CAMKMT: variants seen among roughly 807,000 people sequenced by gnomAD.
CAMKMT encodes CaM KMT.
In CAMKMT, 53 loss-of-function variants were observed where a neutral mutation model predicts 48.0. The ratio of observed to expected loss-of-function variants is 1.10; its 90% CI spans 0.89 to 1.39. The LOEUF (loss-of-function observed/expected upper bound fraction) is 1.39, where lower values mean the gene tolerates loss of function less well. CAMKMT is among the 40% of genes most tolerant of loss of function. CAMKMT has a pLI of 0.00. For missense variants in CAMKMT, 428 were observed against 402.7 expected, an observed-to-expected ratio of 1.06 and a Z score of -0.54; for synonymous variants, 165 against 152.3, an observed-to-expected ratio of 1.08 and a Z score of -0.61.
chr2:44,696,552 A>C (rs546704806), intron 3 of CAMKMT, among the ~76,000 whole-genome samples: 4 of 152,260 alleles, frequency 2.6e-5, no homozygotes, highest in Admixed American at 2.0e-4. Flanking sequence ...TTCTTTGGAG[A>C]GGGTTAAACT....
chr2:44,563,560 G>T (rs1277105301), intron 3 of CAMKMT, among the ~76,000 whole-genome samples: 3 of 146,366 alleles, frequency 2.0e-5, no homozygotes, highest in Non-Finnish European at 3.1e-5. Context: ...TGCCATGTTG[G>T]TTTGCTGCAC....
Position 44,390,223 on chromosome 2 carries a change from C to T in CAMKMT, c.312-18C>T, listed in dbSNP as rs201687926. On this transcript the variant is annotated intron_variant, in intron 2 of 10. Transcript: ENST00000378494. The stretch of plus-strand genomic sequence containing the variant: ...AACATTTCAGAATCATTAAAGCAAA[C>T]GCTTTACTCCTTTCTAGGCATAATA... The T allele has an allele frequency of 4.1e-5, 65 of 1,587,656 alleles. No homozygotes were observed. Among genetic ancestry groups the T allele is most frequent in the Middle Eastern group, 1.7e-4 (1 of 5,994 alleles).
chr2:44,392,362 A>C (rs905911763), intron 3 of CAMKMT, among the ~76,000 whole-genome samples: 1 of 152,062 alleles, frequency 6.6e-6, no homozygotes, highest in African/African-American at 2.4e-5. Flanking sequence ...ATCTATATAG[A>C]TGTTTCATTT....
intron 3 of CAMKMT, among the ~76,000 whole-genome samples, chr2:44,659,794 A>C (rs1349050667): frequency 6.6e-6 from 1 of 152,102 alleles, no homozygotes; most frequent in Non-Finnish European, 1.5e-5. Flanking sequence ...TACCTAAAAT[A>C]CTCATCTATA....
chr2:44,479,236 A>G (rs923900370), intron 3 of CAMKMT, among the ~76,000 whole-genome samples: 1 of 152,174 alleles, frequency 6.6e-6, no homozygotes, highest in Admixed American at 6.5e-5. Flanking sequence ...TTTATACTCA[A>G]TAAAAACTTT....
intron 4 of CAMKMT, chr2:44,705,581 G>A (rs1050624973): frequency 1.6e-4 from 155 of 970,350 alleles, no homozygotes; most frequent in Non-Finnish European, 1.8e-4. Context: ...TTAACTCTGA[G>A]CCGCTTTACT....
chr2:44,540,937 C>T (rs1430993943), intron 3 of CAMKMT, among the ~76,000 whole-genome samples: 1 of 152,198 alleles, frequency 6.6e-6, no homozygotes, highest in Non-Finnish European at 1.5e-5. Flanking sequence ...CCAAATGGCT[C>T]AGCAATTATC....
At chr2:44,413,825 T>G (rs1683374848) in intron 3 of CAMKMT, among the ~76,000 whole-genome samples, 3 of 152,202 alleles carry the variant, frequency 2.0e-5, no homozygotes, top group African/African-American at 7.2e-5. Context: ...GTTAGAAATT[T>G]GGAACTACCA....
chr2:44,690,237 A>T (rs1317587869), intron 3 of CAMKMT, among the ~76,000 whole-genome samples: 1 of 152,246 alleles, frequency 6.6e-6, no homozygotes, highest in Admixed American at 6.5e-5. Context: ...TATAGTTTTC[A>T]TTTGGAAGTG....
intron 3 of CAMKMT, among the ~76,000 whole-genome samples, chr2:44,703,982 A>G (rs915671302): frequency 1.3e-5 from 2 of 152,136 alleles, no homozygotes; most frequent in African/African-American, 4.8e-5. Context: ...ATCTATGTGA[A>G]GTACCATCAA....
intron 3 of CAMKMT, among the ~76,000 whole-genome samples, chr2:44,595,881 A>G (rs1330083072): frequency 1.3e-5 from 2 of 152,052 alleles, no homozygotes; most frequent in East Asian, 1.9e-4. Context: ...AACTAACACA[A>G]GAAGAGAAAA....
chr2:44,756,635 G>A (rs953808152), intron 9 of CAMKMT, among the ~76,000 whole-genome samples: 4 of 151,880 alleles, frequency 2.6e-5, no homozygotes, highest in African/African-American at 7.3e-5. Context: ...CCAGCTACTC[G>A]GGAGGCTGAG....
At chr2:44,517,366 A>G (rs1031825049) in intron 3 of CAMKMT, among the ~76,000 whole-genome samples, 1 of 152,240 alleles carries the variant, frequency 6.6e-6, no homozygotes, top group African/African-American at 2.4e-5. Context: ...GCAATATGTT[A>G]GGTAAAATAC....
chr2:44,364,011 C>CT (rs10710503), intron 1 of CAMKMT, among the ~76,000 whole-genome samples: 9,606 of 85,688 alleles, frequency 0.11, 539 homozygotes, highest in Non-Finnish European at 0.13. Flanking sequence ...CCCACCCTTC[C>CT]TTTTTTTTTT....
chr2:44,522,651 C>T (rs1192783747), intron 3 of CAMKMT, among the ~76,000 whole-genome samples: 3 of 152,092 alleles, frequency 2.0e-5, no homozygotes, highest in African/African-American at 7.2e-5. Flanking sequence ...CTTGATAGGA[C>T]CTGGGATTTT....
chr2:44,768,365 T>A (rs893663585), intron 10 of CAMKMT, among the ~76,000 whole-genome samples: 1,988 of 106,222 alleles, frequency 0.019, 19 homozygotes, highest in African/African-American at 0.04. Flanking sequence ...ATATATATTT[T>A]TTTTTTTTTT....
chr2:44,577,514 G>A (rs1669289350), intron 3 of CAMKMT, among the ~76,000 whole-genome samples: 5 of 152,166 alleles, frequency 3.3e-5, no homozygotes, highest in Admixed American at 3.3e-4. Context: ...AGCTACCTGG[G>A]AGGCTGAGAT....
intron 3 of CAMKMT, among the ~76,000 whole-genome samples, chr2:44,426,292 C>T (rs1684271735): frequency 2.0e-5 from 3 of 152,126 alleles, no homozygotes; most frequent in Admixed American, 6.5e-5. Context: ...CAAGGATGCC[C>T]ATTCTTACCA....
At chr2:44,612,246 T>A (rs190849707) in intron 3 of CAMKMT, among the ~76,000 whole-genome samples, 149 of 152,276 alleles carry the variant, frequency 9.8e-4, no homozygotes, top group African/African-American at 3.5e-3. Flanking sequence ...GGAATAATCA[T>A]TCGGGCAATA....
Sources: allele counts gnomAD v4.1 joint callset (sites outside exome capture counted in the v4.1 genomes callset), GRCh38; gene constraint gnomAD v4.1.1; transcripts MANE v1.5; gene names NCBI Gene and HGNC (gene_info 2026-07-23, HGNC 2026-07-21).